Variants in SETDB1 observed in about 807,000 individuals in gnomAD.
The protein encoded by SETDB1 is histone-lysine N-methyltransferase SETDB1.
SETDB1 carries 31 observed loss-of-function variants against 137.4 expected under a neutral mutation model. The observed-to-expected ratio is 0.23, with a 90% CI of 0.17 to 0.30. The LOEUF is 0.30. Among genes scored for constraint, SETDB1 ranks in the 10% least tolerant of loss-of-function variants. The pLI, the probability that SETDB1 is intolerant of heterozygous loss-of-function variation, is 1.00. For synonymous variants in SETDB1, 548 were observed against 579.9 expected (o/e 0.95, Z 0.79); for missense variants, 1,113 against 1,631.5 (o/e 0.68, Z 5.47).
At chr1:150,942,477 C>G in intron 5 of SETDB1, 86 bp from the exon 6 acceptor site, 1 of 1,184,584 alleles carries the variant, frequency 8.4e-7, no homozygotes, top group East Asian at 2.4e-5. Context: ...CCCACTTTCC[C>G]TAATTACCAT....
At chr1:150,936,955 T>C (rs1007477374) in intron 3 of SETDB1, among the ~76,000 whole-genome samples, 1 of 152,192 alleles carries the variant, frequency 6.6e-6, no homozygotes, top group Middle Eastern at 3.4e-3. Flanking sequence ...CGAAATCCCA[T>C]CTCTACTAAA....
At chr1:150,955,097 A>G (rs1670601706) in intron 14 of SETDB1, among the ~76,000 whole-genome samples, 1 of 152,232 alleles carries the variant, frequency 6.6e-6, no homozygotes, top group African/African-American at 2.4e-5. Flanking sequence ...ATTTGTACTG[A>G]TAACATTGAA....
At chr1:150,938,453 C>T (rs1208375191) in intron 3 of SETDB1, among the ~76,000 whole-genome samples, 1 of 151,886 alleles carries the variant, frequency 6.6e-6, no homozygotes, top group Admixed American at 6.6e-5. Context: ...CTCCAGAATT[C>T]GATAGTGATG....
At position 150,949,503 on chromosome 1, in the gene SETDB1, C is replaced by T; in HGVS notation, c.1561C>T (p.Pro521Ser). ...ALSENVSGGK[P>S]GINQTYRSPL... ...CAGTGAAAATGTCTCTGGTGGGAAA[C>T]CTGGGATCAACCAGACATATAGGTG... The change falls in exon 12 of 22, where the codon CCT (proline) becomes TCT (serine). Residue 521 changes from proline (P) to serine (S), a missense_variant. Pro to Ser is a moderately conservative substitution (Grantham distance 74). Transcript: ENST00000692827. 2 of 1,614,086 alleles carry T rather than the reference C, an allele frequency of 1.2e-6. No individual in the cohort carries two copies. The highest frequency in any genetic ancestry group is 1.7e-6 in the Non-Finnish European group (2 of 1,180,018).
In SETDB1 at chr1:150,926,455, C is replaced by T. The variant is rs1242787134; in HGVS notation, c.-74C>T. ...TTCGCTCTTTTCCGTCGAGGCCGAC[C>T]CCTGAGTTGTGAGTCTGGGGTCTGG... On this transcript the variant is annotated 5_prime_UTR_variant, in exon 1 of 22. Coordinates refer to ENST00000692827, the MANE Select transcript of SETDB1 (RefSeq NM_001366418.1). 1.0e-5 allele frequency: 3 copies of T among 295,158 alleles called. No individual in the cohort carries two copies. Among genetic ancestry groups the T allele is most frequent in the African/African-American group, 6.8e-5 (3 of 43,942 alleles). 18.3% of individuals were successfully genotyped at this position (295,158 alleles called of 1,614,324 possible).
Position 150,962,669 on chromosome 1 carries a change from A to G in SETDB1, c.3244A>G (p.Ser1082Gly). 1 of 1,614,004 alleles carries G rather than the reference A, an allele frequency of 6.2e-7. No individual in the cohort carries two copies. The highest frequency in any genetic ancestry group is 1.3e-5 in the African/African-American group (1 of 75,022). ...EGLRRPPSKT[S>G]MHQSRRLMAS... is the part of the protein sequence containing the mutation. ...ACTTCGCCGCCCACCTAGTAAGACT[A>G]GTATGCATCAAAGCCGAAGACTCAT... Residue 1082 changes from serine (S) to glycine (G), a missense_variant, in exon 18 of 22, where the codon AGT becomes GGT. By Grantham distance (56) the Ser-to-Gly change is moderately conservative. This residue lies in a region of SETDB1 where 373 missense variants were observed against 412.7 expected (regional missense o/e 0.90). Coordinates refer to ENST00000692827, the MANE Select transcript of SETDB1 (RefSeq NM_001366418.1).
At chr1:150,958,249 T>G (rs1670711651) in intron 14 of SETDB1, among the ~76,000 whole-genome samples, 1 of 126,078 alleles carries the variant, frequency 7.9e-6, no homozygotes, top group African/African-American at 2.8e-5. Flanking sequence ...TTTTTTTTCT[T>G]TTTTCTTTTT....
In SETDB1 at chr1:150,963,009, G is replaced by A. The variant is rs768971153; in HGVS notation, c.3330G>A (p.Glu1110=). 9.3e-6 allele frequency: 15 copies of A among 1,614,100 alleles called. No homozygotes were observed. Among genetic ancestry groups the A allele is most frequent in the East Asian group, 2.2e-5 (1 of 44,888 alleles). Residue 1110 remains glutamate, a synonymous_variant, in exon 19 of 22, where the codon GAG becomes GAA. Coordinates refer to ENST00000692827, the MANE Select transcript of SETDB1 (RefSeq NM_001366418.1). The part of the protein sequence containing the change: ...VLTLSSSTES[E]GESGTSRKPT... ...CACTGTCCAGCAGCACAGAAAGTGAGGGGGAAAGTGGGACCAGCCGAAAGC... is the reference window on the plus strand; with the variant it reads ...CACTGTCCAGCAGCACAGAAAGTGAAGGGGAAAGTGGGACCAGCCGAAAGC...
Position 150,941,418 on chromosome 1 carries a change from T to C in SETDB1, c.537T>C (p.Asp179=). The stretch of plus-strand genomic sequence containing the variant: ...TCAACAAGAAGAGCAGTTCCCAGGA[T>C]CTGCATAAAGGTTAGGGTCAAGAAA... The part of the protein sequence containing the change: ...DAVNKKSSSQ[D]LHKGTLSQMS... Residue 179 remains aspartate, a synonymous_variant, in exon 5 of 22, where the codon GAT becomes GAC. Transcript: ENST00000692827. The C allele has an allele frequency of 6.2e-7, 1 of 1,603,892 alleles. No individual in the cohort carries two copies. Among genetic ancestry groups the C allele is most frequent in the Non-Finnish European group, 8.5e-7 (1 of 1,170,720 alleles).
intron 3 of SETDB1, 162 bp downstream of exon 3, chr1:150,930,280 T>A: frequency 1.7e-6 from 1 of 596,282 alleles, no homozygotes; most frequent in South Asian, 2.0e-5. Context: ...ACATTGTTAG[T>A]ATCATAGATG....
intron 1 of SETDB1, among the ~76,000 whole-genome samples, chr1:150,927,279 C>T (rs1669557787): frequency 6.6e-6 from 1 of 152,170 alleles, no homozygotes. Flanking sequence ...GCGTGCACCA[C>T]CACACGTGGC....
At chr1:150,942,793 C>T in intron 6 of SETDB1, 59 bp from the exon 7 acceptor site, 4 of 1,599,252 alleles carry the variant, frequency 2.5e-6, no homozygotes, top group Non-Finnish European at 3.4e-6. Flanking sequence ...CACATAGCAG[C>T]CTGGATTTAT....
chr1:150,963,071 G>A lies in SETDB1; in HGVS notation c.3392G>A (p.Ser1131Asn), dbSNP rs765898112. The A allele has an allele frequency of 3.7e-6, 6 of 1,614,110 alleles. No homozygotes were observed. The highest frequency in any genetic ancestry group is 1.3e-5 in the African/African-American group (1 of 74,944). The change falls in exon 19 of 22, where the codon AGT becomes AAT. Residue 1131 changes from serine to asparagine, a missense_variant. Ser to Asn is a conservative substitution (Grantham distance 46). Coordinates refer to ENST00000692827, the MANE Select transcript of SETDB1 (RefSeq NM_001366418.1). ...CAGACTTCGGCTACAGCGGTTGACA[G>A]TGATGATATCCAGACCATATCCTCT... is the stretch of plus-strand genomic sequence containing the variant. ...AGQTSATAVD[S>N]DDIQTISSGS...
rs1669581454 is a variant in SETDB1 at position 150,927,789 on chromosome 1, G to A, written c.75G>A (p.Leu25=). ...TGGAGTCTGAAGAGATTGCAGAGCT[G>A]CAACAGGCAGTGGTTGAGGAACTGG... is the stretch of plus-strand genomic sequence containing the variant. ...ATVESEEIAE[L]QQAVVEELGI... is the part of the protein sequence containing the mutation. Residue 25 remains leucine, a synonymous_variant, in exon 2 of 22, where the codon CTG becomes CTA. Coordinates refer to ENST00000692827, the MANE Select transcript of SETDB1 (RefSeq NM_001366418.1). 1.2e-6 allele frequency: 2 copies of A among 1,614,208 alleles called. No homozygotes were observed. Among genetic ancestry groups the A allele is most frequent in the Non-Finnish European group, 1.7e-6 (2 of 1,180,040 alleles).
chr1:150,962,913 A>G, intron 18 of SETDB1, 61 bp from the exon 19 acceptor site: 1 of 1,574,746 alleles, frequency 6.4e-7, no homozygotes. Flanking sequence ...GGGTAACAGC[A>G]AGGACTTAAA....
In SETDB1 at chr1:150,964,254, C is replaced by A; in HGVS notation, c.3769C>A (p.Arg1257=). Reference sequence around the variant, plus strand: ...CCTTTTCTTCCTCTTCAGAAGAATCCGGGCTGGGACAGAACTTACTTGGGA... The same window carrying A: ...CCTTTTCTTCCTCTTCAGAAGAATCAGGGCTGGGACAGAACTTACTTGGGA... ...WVAFFASKRI[R]AGTELTWDYN... Residue 1257 remains arginine, a synonymous_variant, in exon 22 of 22, where the codon CGG becomes AGG. Transcript: ENST00000692827. The A allele has an allele frequency of 6.2e-7, 1 of 1,613,628 alleles. No individual in the cohort carries two copies. The highest frequency in any genetic ancestry group is 8.5e-7 in the Non-Finnish European group (1 of 1,179,602).
rs1190654567 is a variant in SETDB1 at position 150,964,509 on chromosome 1, G to C, written c.*145G>C. On this transcript the variant is annotated 3_prime_UTR_variant, in exon 22 of 22. Transcript: ENST00000692827. ...TAGAAATGGGGGTTCTGGACCAGATGATCCCTTCCAATGTGGTGCTAGCAG... is the reference window on the plus strand; with the variant it reads ...TAGAAATGGGGGTTCTGGACCAGATCATCCCTTCCAATGTGGTGCTAGCAG... 2.1e-5 allele frequency: 15 copies of C among 718,542 alleles called. No individual in the cohort carries two copies. The highest frequency in any genetic ancestry group is 1.0e-4 in the Admixed American group (5 of 49,998). The allele number at this position is 718,542 out of a possible 1,614,324, so 44.5% of individuals were successfully genotyped here. A position where few individuals can be genotyped will look rare whatever the true frequency, so the allele number is the denominator to read the frequency against.
intron 1 of SETDB1, among the ~76,000 whole-genome samples, chr1:150,927,392 C>A (rs941828446): frequency 6.6e-6 from 1 of 152,174 alleles, no homozygotes; most frequent in Non-Finnish European, 1.5e-5. Context: ...TCTAAAAGTG[C>A]TGAGATTACA....
intron 3 of SETDB1, among the ~76,000 whole-genome samples, chr1:150,937,031 A>G (rs1669966868): frequency 6.6e-6 from 1 of 152,272 alleles, no homozygotes; most frequent in South Asian, 2.1e-4. Flanking sequence ...AGGCAGCGGC[A>G]CAAGAATTGC....
Sources: gnomAD v4.1 joint callset for allele counts (sites outside exome capture counted in the v4.1 genomes callset) on GRCh38, gnomAD v4.1.1 for gene constraint, gnomAD v4.1.1 regional missense constraint, MANE v1.5 for transcripts, NCBI Gene and HGNC (gene_info 2026-07-23, HGNC 2026-07-21) for gene names.